Variants in MIA3 observed in about 807,000 individuals in gnomAD.
MIA3 encodes the protein transport and Golgi organization protein 1 homolog.
A neutral mutation model predicts 192.4 loss-of-function variants in MIA3; 90 were observed. The ratio of observed to expected loss-of-function variants is 0.47; its 90% CI spans 0.39 to 0.56. The LOEUF (loss-of-function observed/expected upper bound fraction) is 0.56. MIA3 is among the 20% of genes least tolerant of loss of function. MIA3 has a pLI of 0.00. For synonymous variants in MIA3, 740 were observed against 792.8 expected, an observed-to-expected ratio of 0.93 and a Z score of 1.12; for missense variants, 2,123 against 2,269.4, an observed-to-expected ratio of 0.94 and a Z score of 1.31.
At chr1:222,624,718 C>T (rs766384095) in intron 2 of MIA3, 50 bp from the exon 3 acceptor site, 2 of 861,748 alleles carry the variant, frequency 2.3e-6, no homozygotes, top group Admixed American at 3.6e-5. Flanking sequence ...TCATATTTCT[C>T]ATACAGAATT....
rs988870361 is a variant in MIA3, at chr1:222,665,854, A to G, written c.*235A>G. 16 of 387,140 alleles carry G rather than the reference A, an allele frequency of 4.1e-5. No individual in the cohort carries two copies. The highest frequency in any genetic ancestry group is 6.3e-5 in the Non-Finnish European group (14 of 220,884). 24.0% of individuals were successfully genotyped at this position (387,140 alleles called of 1,614,324 possible). Reference sequence around the variant, plus strand: ...CCTTACAACTTTGAAATGTGCAATAAAGAATACCTGTGTTTTAGCTAATGT... The same window carrying G: ...CCTTACAACTTTGAAATGTGCAATAGAGAATACCTGTGTTTTAGCTAATGT... On this transcript the variant is annotated 3_prime_UTR_variant, in exon 28 of 28. Coordinates refer to ENST00000344922, the MANE Select transcript of MIA3 (RefSeq NM_198551.4).
intron 15 of MIA3, 58 bp from the exon 16 acceptor site, chr1:222,654,185 T>C: frequency 6.5e-7 from 1 of 1,529,530 alleles, no homozygotes; most frequent in Non-Finnish European, 9.0e-7. Context: ...ATCAAGAAAA[T>C]ATAGATTTAA....
Position 222,658,805 on chromosome 1 carries a change from A to G in MIA3, c.4691A>G (p.Glu1564Gly), listed in dbSNP as rs1430615089. 6.2e-7 allele frequency: 1 copy of G among 1,612,608 alleles called. No homozygotes were observed. The highest frequency in any genetic ancestry group is 8.5e-7 in the Non-Finnish European group (1 of 1,179,292). ...GATGAAAAGGCAGTTTCGGCTGCAG[A>G]GGAAGTAAAAACTTACAAGTAAGTT... The part of the protein sequence containing the change: ...AADEKAVSAA[E>G]EVKTYKRRIE... The change falls in exon 19 of 28, where the codon GAG becomes GGG. Residue 1564 changes from glutamate (E) to glycine (G), a missense_variant. Glu to Gly is a moderately conservative substitution (Grantham distance 98). Transcript: ENST00000344922.
chr1:222,638,527 AAC>A lies in MIA3; in HGVS notation c.3477+5300_3477+5301del, dbSNP rs142663900. On this transcript the variant is annotated intron_variant, in intron 6 of 27. Coordinates refer to ENST00000344922, the MANE Select transcript of MIA3 (RefSeq NM_198551.4). ...ACATGGTGAAATCCTGTTTCTACAAAACACACACACACACACACACACAGCTG... is the reference window on the plus strand; with the variant it reads ...ACATGGTGAAATCCTGTTTCTACAAAACACACACACACACACACACAGCTG... Among the ~76,000 whole-genome samples the A allele has an allele frequency of 7.3e-3, 1,082 of 148,030 alleles. 8 individuals are homozygous for A. The highest frequency in any genetic ancestry group is 0.021 in the South Asian group (99 of 4,702).
At chr1:222,641,812 T>C in intron 6 of MIA3, 2 of 543,670 alleles carry the variant, frequency 3.7e-6, no homozygotes, top group Non-Finnish European at 7.5e-6. Context: ...CAGCTGGTTC[T>C]TGAGCATTTC....
In MIA3 at chr1:222,628,788, A is replaced by G. The variant is rs1323348921; in HGVS notation, c.1568A>G (p.Asp523Gly). The G allele has an allele frequency of 5.0e-6, 8 of 1,614,050 alleles. No individual in the cohort carries two copies. Among genetic ancestry groups the G allele is most frequent in the African/African-American group, 1.3e-5 (1 of 74,932 alleles). ...GACACATTAAAATCAGCTTATGATG[A>G]TACAGAAAATGACCTAAAAGGAGCA... is the stretch of plus-strand genomic sequence containing the variant. Reference protein sequence around the residue: ...GKDTLKSAYDDTENDLKGAAI... With the variant: ...GKDTLKSAYDGTENDLKGAAI... The change falls in exon 4 of 28, where the codon GAT becomes GGT. Residue 523 changes from aspartate (D) to glycine (G), a missense_variant. By Grantham distance (94) the Asp-to-Gly change is moderately conservative. This residue lies in a region of MIA3 where 1,357 missense variants were observed against 1,396.1 expected (regional missense o/e 0.97). Transcript: ENST00000344922.
At chr1:222,664,597 G>A (rs17465982) in intron 27 of MIA3, among the ~76,000 whole-genome samples, 86,555 of 151,898 alleles carry the variant, frequency 0.57, 27,856 homozygotes, top group Non-Finnish European at 0.72. Flanking sequence ...CTCACCTTGG[G>A]AATACAAAGA....
intron 24 of MIA3, 81 bp downstream of exon 24, chr1:222,660,395 T>C (rs567018788): frequency 4.4e-4 from 645 of 1,456,036 alleles, no homozygotes; most frequent in Non-Finnish European, 5.5e-4. Flanking sequence ...GCAAACACTT[T>C]AGAATTCGGG....
At chr1:222,655,513 G>T (rs1038502493) in intron 18 of MIA3, among the ~76,000 whole-genome samples, 2 of 152,162 alleles carry the variant, frequency 1.3e-5, no homozygotes, top group Non-Finnish European at 2.9e-5. Flanking sequence ...GTGTGAGGAG[G>T]CCTCTCTTGC....
At chr1:222,626,563 T>C (rs542235195) in intron 3 of MIA3, among the ~76,000 whole-genome samples, 2 of 152,286 alleles carry the variant, frequency 1.3e-5, no homozygotes, top group South Asian at 2.1e-4. Context: ...TGTATGTCAA[T>C]TTGCTTACTG....
intron 6 of MIA3, chr1:222,644,571 A>T (rs937500350): frequency 1.3e-6 from 2 of 1,550,476 alleles, no homozygotes; most frequent in African/African-American, 2.7e-5. Context: ...CAGCCTTCAT[A>T]GCCAAGCTGC....
chr1:222,647,488 A>G (rs372544163), intron 7 of MIA3, among the ~76,000 whole-genome samples: 7 of 152,168 alleles, frequency 4.6e-5, no homozygotes, highest in Admixed American at 2.0e-4. Flanking sequence ...TTCTCTCACA[A>G]TTGATTGTAA....
rs1470985865 is a variant in MIA3 at position 222,645,727 on chromosome 1, T to C, written c.3609+42T>C. 5.1e-6 allele frequency: 8 copies of C among 1,569,948 alleles called. No individual in the cohort carries two copies. In the African/African-American group the frequency reaches 9.5e-5, roughly 19 times the overall value. ...ATACTTTAACTCATAAATTCAAGTA[T>C]GGTTTTATAATCACAGTCCTTTTGT... On this transcript the variant is annotated intron_variant, in intron 7 of 27. Transcript: ENST00000344922.
chr1:222,664,586 C>G (rs896632596), intron 27 of MIA3, among the ~76,000 whole-genome samples: 1 of 152,108 alleles, frequency 6.6e-6, no homozygotes, highest in Admixed American at 6.6e-5. Flanking sequence ...AACCCTCAAC[C>G]CTCACCTTGG....
rs984264545 is a variant in MIA3, at chr1:222,659,629, C to T, written c.4778C>T (p.Thr1593Ile). The change falls in exon 21 of 28, where the codon ACC becomes ATC. Residue 1593 changes from threonine (T) to isoleucine (I), a missense_variant. By Grantham distance (89) the Thr-to-Ile change is moderately conservative. This residue lies in a region of MIA3 where 762 missense variants were observed against 856.4 expected (regional missense o/e 0.89). Transcript: ENST00000344922. ...ATGTATTATCTTTTTCAGATCGCTACCCATGAGAAGAAAGCTCATGAAAAC... is the reference window on the plus strand; with the variant it reads ...ATGTATTATCTTTTTCAGATCGCTATCCATGAGAAGAAAGCTCATGAAAAC... ...TERSFKNQIA[T>I]HEKKAHENWL... 5 of 1,613,838 alleles carry T rather than the reference C, an allele frequency of 3.1e-6. No individual in the cohort carries two copies. In the African/African-American group the frequency reaches 4.0e-5, roughly 13 times the overall value.
chr1:222,637,562 A>G (rs1316716370), intron 6 of MIA3, among the ~76,000 whole-genome samples: 2 of 151,934 alleles, frequency 1.3e-5, no homozygotes, highest in Admixed American at 1.3e-4. Context: ...GAGTTAGACA[A>G]CTCATTCGTG....
At position 222,654,460 on chromosome 1, in the gene MIA3, C is replaced by A; in HGVS notation, c.4449C>A (p.Ser1483=). 1 of 1,613,150 alleles carries A rather than the reference C, an allele frequency of 6.2e-7. No homozygotes were observed. The highest frequency in any genetic ancestry group is 8.5e-7 in the Non-Finnish European group (1 of 1,179,432). Residue 1483 remains serine (S), a synonymous_variant, in exon 17 of 28, where the codon TCC becomes TCA. Coordinates refer to ENST00000344922, the MANE Select transcript of MIA3 (RefSeq NM_198551.4). ...LLQLKLRASV[S]TKCNLEDQVK... is the part of the protein sequence containing the mutation. Reference sequence around the variant, plus strand: ...AGCTTAAGCTAAGAGCCTCCGTGTCCACTAAATGTAACCTGGAAGGTAGGT... The same window carrying A: ...AGCTTAAGCTAAGAGCCTCCGTGTCAACTAAATGTAACCTGGAAGGTAGGT...
At chr1:222,652,152 A>G in intron 12 of MIA3, 76 bp from the exon 13 acceptor site, 3 of 1,397,096 alleles carry the variant, frequency 2.1e-6, no homozygotes, top group Non-Finnish European at 3.0e-6. Flanking sequence ...TGAAAACTAC[A>G]TGATGTTGGG....
At position 222,625,578 on chromosome 1, in the gene MIA3, G is replaced by A. The variant is rs114004588; in HGVS notation, c.354+724G>A. Among the ~76,000 whole-genome samples the A allele has an allele frequency of 2.6e-3, 399 of 152,266 alleles. 2 individuals carry two copies. Among genetic ancestry groups the A allele is most frequent in the African/African-American group, 9.3e-3 (387 of 41,550 alleles). The stretch of plus-strand genomic sequence containing the variant: ...TTATTGACTCTGTAGTGATTTAAGC[G>A]ATTATAGTTATAGATTTGGAAAAGG... On this transcript the variant is annotated intron_variant, in intron 3 of 27. Coordinates refer to ENST00000344922, the MANE Select transcript of MIA3 (RefSeq NM_198551.4).
Sources: gnomAD v4.1 joint callset for allele counts (sites outside exome capture counted in the v4.1 genomes callset) on GRCh38, gnomAD v4.1.1 for gene constraint, gnomAD v4.1.1 regional missense constraint, MANE v1.5 for transcripts, NCBI Gene and HGNC (gene_info 2026-07-23, HGNC 2026-07-21) for gene names.